The following RAPGEF2 variants were observed in gnomAD, a reference collection of about 807,000 sequenced individuals.
RAPGEF2 encodes Rap guanine nucleotide exchange factor 2, also known as PDZ domain containing guanine nucleotide exchange factor (GEF) 1.
Under a neutral mutation model 186.7 loss-of-function variants are expected in RAPGEF2, and 54 were observed. The observed-to-expected ratio is 0.29, with a 90% CI of 0.23 to 0.36. The LOEUF (loss-of-function observed/expected upper bound fraction) is 0.36, where lower values mean the gene tolerates loss of function less well. Ranked by LOEUF, RAPGEF2 falls within the 10% of genes least tolerant of loss-of-function variation. The probability of loss-of-function intolerance (pLI) is 1.00; values close to 1 mark genes in which losing one functional copy is unlikely to be tolerated. For synonymous variants in RAPGEF2, 712 were observed against 705.9 expected, an observed-to-expected ratio of 1.01 and a Z score of -0.14; for missense variants, 1,532 against 2,045.0, an observed-to-expected ratio of 0.75 and a Z score of 4.84.
At chr4:159,325,435 T>C (rs1312848419) in intron 11 of RAPGEF2, among the ~76,000 whole-genome samples, 2 of 152,122 alleles carry the variant, frequency 1.3e-5, no homozygotes, top group African/African-American at 4.8e-5. Context: ...GTAATTGTAC[T>C]CTTAAAAAAA....
intron 7 of RAPGEF2, among the ~76,000 whole-genome samples, chr4:159,292,000 C>G (rs562315504): frequency 6.6e-6 from 1 of 152,000 alleles, no homozygotes; most frequent in East Asian, 1.9e-4. Flanking sequence ...TTCTTTATAC[C>G]CTTCCATAGT....
intron 1 of RAPGEF2, among the ~76,000 whole-genome samples, chr4:159,122,479 A>C (rs1739808204): frequency 6.9e-6 from 1 of 145,728 alleles, no homozygotes. Flanking sequence ...ACTTTGTCTC[A>C]AAAAAAAAAA....
intron 1 of RAPGEF2, among the ~76,000 whole-genome samples, chr4:159,116,566 C>T (rs1739075353): frequency 6.6e-6 from 1 of 152,112 alleles, no homozygotes; most frequent in South Asian, 2.1e-4. Context: ...TGGGTATATA[C>T]CCAAAGGAAT....
At position 159,113,764 on chromosome 4, in the gene RAPGEF2, A is replaced by G. The variant is rs1263597318; in HGVS notation, c.69+9533A>G. Among the ~76,000 whole-genome samples, 4 of 146,252 alleles carry G rather than the reference A, an allele frequency of 2.7e-5. No individual in the cohort carries two copies. The East Asian group carries it at 5.9e-4, about 22-fold the overall frequency. On this transcript the variant is annotated intron_variant, in intron 1 of 29. Transcript: ENST00000691494. ...TCAAAAAAAAAAAAAAAAAAAAAGTATCTTTTTTTCCAGTTTAATAATTTA... is the reference window on the plus strand; with the variant it reads ...TCAAAAAAAAAAAAAAAAAAAAAGTGTCTTTTTTTCCAGTTTAATAATTTA...
At chr4:159,202,199 T>A (rs1749495574) in intron 3 of RAPGEF2, among the ~76,000 whole-genome samples, 1 of 152,208 alleles carries the variant, frequency 6.6e-6, no homozygotes, top group Admixed American at 6.5e-5. Flanking sequence ...TTGTTAATGC[T>A]GTCCATGTGA....
intron 1 of RAPGEF2, among the ~76,000 whole-genome samples, chr4:159,104,489 C>CGAGAGA (rs553251268): frequency 0.091 from 8,070 of 88,534 alleles, 441 homozygotes; most frequent in Non-Finnish European, 0.11. Context: ...GTTGCCCAGC[C>CGAGAGA]GAGAGAGAGA....
intron 1 of RAPGEF2, among the ~76,000 whole-genome samples, chr4:159,177,335 T>A (rs1446448091): frequency 6.6e-6 from 1 of 152,240 alleles, no homozygotes; most frequent in Non-Finnish European, 1.5e-5. Context: ...TTACTTGTGC[T>A]TTTATTCAGA....
At chr4:159,250,152 T>TC (rs1277511728) in intron 7 of RAPGEF2, among the ~76,000 whole-genome samples, 3 of 152,068 alleles carry the variant, frequency 2.0e-5, no homozygotes, top group Non-Finnish European at 4.4e-5. Context: ...TCAGATATCC[T>TC]CCCCCACCCC....
At chr4:159,253,090 T>C (rs915576833) in intron 7 of RAPGEF2, among the ~76,000 whole-genome samples, 9 of 152,238 alleles carry the variant, frequency 5.9e-5, no homozygotes, top group African/African-American at 2.2e-4. Context: ...GGTTGAAGTA[T>C]GTAAAGTATA....
At chr4:159,157,667 G>T (rs537779722) in intron 1 of RAPGEF2, among the ~76,000 whole-genome samples, 2 of 152,154 alleles carry the variant, frequency 1.3e-5, no homozygotes, top group Non-Finnish European at 2.9e-5. Flanking sequence ...CACCAAGTCC[G>T]TTCTTCAGGG....
chr4:159,178,896 T>A (rs1012708992), intron 1 of RAPGEF2, among the ~76,000 whole-genome samples: 2 of 152,140 alleles, frequency 1.3e-5, no homozygotes, highest in Admixed American at 6.5e-5. Flanking sequence ...AGCAAGAGGA[T>A]TGACTTGGAT....
intron 1 of RAPGEF2, among the ~76,000 whole-genome samples, chr4:159,122,621 A>G (rs1344118559): frequency 6.6e-6 from 1 of 152,234 alleles, no homozygotes; most frequent in Admixed American, 6.5e-5. Context: ...TGCATACGGT[A>G]CTACTGTAAT....
chr4:159,330,227 A>C (rs1263982436), intron 12 of RAPGEF2, 107 bp from the exon 13 acceptor site: 2 of 871,794 alleles, frequency 2.3e-6, no homozygotes, highest in Non-Finnish European at 3.5e-6. Context: ...AAATCCCAGT[A>C]CCATATAAAT....
At position 159,359,743 on chromosome 4, in the gene RAPGEF2, A is replaced by G. The variant is rs986087437; in HGVS notation, c.*1604A>G. On this transcript the variant is annotated 3_prime_UTR_variant, in exon 30 of 30. Transcript: ENST00000691494. ...TGTCTACTTGCTTATTACATTGTCA[A>G]TTATGCATTTGTAATTTTACATGTA... 1 of 152,210 alleles carries G rather than the reference A, an allele frequency of 6.6e-6. No homozygotes were observed. The highest frequency in any genetic ancestry group is 2.4e-5 in the African/African-American group (1 of 41,454). The allele number at this position is 152,210 out of a possible 1,614,324, so 9.4% of individuals were successfully genotyped here. A position where few individuals can be genotyped will look rare whatever the true frequency, so the allele number is the denominator to read the frequency against.
chr4:159,207,845 A>C (rs532446298), intron 3 of RAPGEF2, among the ~76,000 whole-genome samples: 1 of 152,334 alleles, frequency 6.6e-6, no homozygotes, highest in Non-Finnish European at 1.5e-5. Flanking sequence ...CTGGAATAAC[A>C]GTTTTACTTG....
At chr4:159,314,895 A>G in intron 9 of RAPGEF2, 127 bp downstream of exon 9, 1 of 911,072 alleles carries the variant, frequency 1.1e-6, no homozygotes, top group South Asian at 2.3e-5. Flanking sequence ...TCCTTTGTAT[A>G]AACAGTAGTA....
chr4:159,186,278 GA>G (rs1747548759), intron 1 of RAPGEF2, among the ~76,000 whole-genome samples: 1 of 151,882 alleles, frequency 6.6e-6, no homozygotes, highest in Non-Finnish European at 1.5e-5. Flanking sequence ...TATTGACTAA[GA>G]AAATAATTTG....
chr4:159,191,546 C>G (rs1361896959), intron 2 of RAPGEF2, among the ~76,000 whole-genome samples: 3 of 152,172 alleles, frequency 2.0e-5, no homozygotes, highest in Non-Finnish European at 4.4e-5. Flanking sequence ...CGAGACCATA[C>G]TGGCCAACAT....
chr4:159,190,465 C>G (rs1255466658), intron 2 of RAPGEF2, among the ~76,000 whole-genome samples: 1 of 152,156 alleles, frequency 6.6e-6, no homozygotes, highest in Non-Finnish European at 1.5e-5. Context: ...ATTTTGGAAA[C>G]AGGTGATGGC....
Sources: gnomAD v4.1 joint callset for allele counts (sites outside exome capture counted in the v4.1 genomes callset) on GRCh38, gnomAD v4.1.1 for gene constraint, MANE v1.5 for transcripts, NCBI Gene and HGNC (gene_info 2026-07-23, HGNC 2026-07-21) for gene names.